The following EMID1 variants were observed in gnomAD, a reference collection of about 807,000 sequenced individuals.
EMID1 encodes EMI domain-containing protein 1.
EMID1 carries 40 observed loss-of-function variants against 60.6 expected under a neutral mutation model. That is an observed-to-expected ratio of 0.66 (90% CI 0.51 to 0.86). The LOEUF is 0.86. Among genes scored for constraint, EMID1 ranks in the 40% least tolerant of loss-of-function variants. EMID1 has a pLI of 0.00. For synonymous variants in EMID1, 242 were observed against 231.0 expected (o/e 1.05, Z -0.43); for missense variants, 585 against 597.1 (o/e 0.98, Z 0.21).
At chr22:29,247,013 C>T (rs934214035) in intron 13 of EMID1, among the ~76,000 whole-genome samples, 1 of 152,032 alleles carries the variant, frequency 6.6e-6, no homozygotes, top group Admixed American at 6.6e-5. Flanking sequence ...GACAGAGTCT[C>T]TATCGCCCAG....
chr22:29,224,709 C>T (rs547091278), intron 3 of EMID1, among the ~76,000 whole-genome samples: 29 of 152,342 alleles, frequency 1.9e-4, no homozygotes, highest in Middle Eastern at 3.4e-3. Flanking sequence ...CATTCATGGC[C>T]GACCTCAGGC....
At chr22:29,214,882 AC>A in intron 1 of EMID1, 43 bp from the exon 2 acceptor site, 6 of 1,413,588 alleles carry the variant, frequency 4.2e-6, no homozygotes, top group Non-Finnish European at 5.7e-6. Context: ...CCAGCAGGGG[AC>A]CCTGTGTGGT....
chr22:29,212,808 A>C (rs1490572330), intron 1 of EMID1, among the ~76,000 whole-genome samples: 2 of 152,026 alleles, frequency 1.3e-5, no homozygotes, highest in Non-Finnish European at 2.9e-5. Flanking sequence ...CACGTGATCC[A>C]CCCATCTCGG....
chr22:29,254,536 T>C (rs1336494935), intron 14 of EMID1: 8 of 463,468 alleles, frequency 1.7e-5, no homozygotes, highest in South Asian at 4.8e-5. Context: ...CTAAGCATTA[T>C]GGGTAGTGTG....
chr22:29,215,195 C>A (rs900281473), intron 2 of EMID1, 156 bp downstream of exon 2: 1 of 985,300 alleles, frequency 1.0e-6, no homozygotes, highest in African/African-American at 1.7e-5. Context: ...CTCAGCCTAT[C>A]CCCTGTGCTG....
intron 4 of EMID1, among the ~76,000 whole-genome samples, chr22:29,225,794 G>A (rs1053518120): frequency 6.6e-6 from 1 of 152,248 alleles, no homozygotes; most frequent in African/African-American, 2.4e-5. Context: ...GAGGAGGGGA[G>A]AGACTGCTGG....
At chr22:29,247,797 T>C (rs1007445137) in intron 13 of EMID1, among the ~76,000 whole-genome samples, 1 of 151,384 alleles carries the variant, frequency 6.6e-6, no homozygotes, top group African/African-American at 2.4e-5. Flanking sequence ...GCCCAGCTAA[T>C]TTTTTGTATT....
Position 29,232,361 on chromosome 22 carries a change from C to A in EMID1, c.782C>A (p.Pro261Gln), listed in dbSNP as rs1489962362. Reference protein sequence around the residue: ...PPGPPGPPGPPAPVGPPHARI... With the variant: ...PPGPPGPPGPQAPVGPPHARI... The stretch of plus-strand genomic sequence containing the variant: ...GGGCCTCCTGGCCCCCCTGGGCCCC[C>A]AGCCCCTGTTGGGCCACCCCATGCC... The change falls in exon 8 of 15, where the codon CCA (proline) becomes CAA (glutamine). Residue 261 changes from proline to glutamine, a missense_variant. Pro to Gln is a moderately conservative substitution (Grantham distance 76, BLOSUM62 -1). Transcript: ENST00000334018. 1 of 1,604,146 alleles carries A rather than the reference C, an allele frequency of 6.2e-7. No individual in the cohort carries two copies. Among genetic ancestry groups the A allele is most frequent in the Admixed American group, 1.7e-5 (1 of 58,692 alleles).
intron 1 of EMID1, among the ~76,000 whole-genome samples, chr22:29,206,707 C>A (rs1047706232): frequency 6.6e-6 from 1 of 152,046 alleles, no homozygotes. Context: ...CGGCGGGGAA[C>A]CTCCTCCCTG....
chr22:29,247,017 C>T (rs1423942551), intron 13 of EMID1, among the ~76,000 whole-genome samples: 3 of 151,926 alleles, frequency 2.0e-5, no homozygotes, highest in East Asian at 1.9e-4. Context: ...GAGTCTCTAT[C>T]GCCCAGGCTG....
intron 5 of EMID1, 125 bp from the exon 6 acceptor site, chr22:29,230,895 G>A: frequency 7.8e-7 from 1 of 1,281,110 alleles, no homozygotes; most frequent in South Asian, 1.8e-5. Context: ...GGTTGAGGCT[G>A]CATGAGCCGT....
chr22:29,214,411 A>G (rs73399059), intron 1 of EMID1, among the ~76,000 whole-genome samples: 3,598 of 152,250 alleles, frequency 0.024, 144 homozygotes, highest in African/African-American at 0.083. Context: ...AGGGCCCAGC[A>G]CCAGCAAAGG....
chr22:29,230,562 T>C (rs1299539457), intron 5 of EMID1, among the ~76,000 whole-genome samples: 1 of 152,214 alleles, frequency 6.6e-6, no homozygotes, highest in African/African-American at 2.4e-5. Flanking sequence ...ACACTGTCAC[T>C]TCTGATGAAG....
intron 4 of EMID1, among the ~76,000 whole-genome samples, chr22:29,225,581 C>A (rs2040474117): frequency 2.0e-5 from 3 of 152,214 alleles, no homozygotes; most frequent in African/African-American, 7.2e-5. Flanking sequence ...GACCTCACAG[C>A]TGTTCACTGC....
At chr22:29,232,676 C>T (rs2040797506) in intron 8 of EMID1, 1 of 406,336 alleles carries the variant, frequency 2.5e-6, no homozygotes. Flanking sequence ...GTGCTTAGAG[C>T]CACCGGGCAT....
intron 14 of EMID1, chr22:29,255,416 G>C: frequency 7.6e-7 from 1 of 1,320,080 alleles, no homozygotes; most frequent in Non-Finnish European, 1.0e-6. Context: ...GCCTGGAAAA[G>C]GCCTGGGCAT....
At chr22:29,209,582 G>T (rs73882499) in intron 1 of EMID1, among the ~76,000 whole-genome samples, 1 of 152,164 alleles carries the variant, frequency 6.6e-6, no homozygotes, top group South Asian at 2.1e-4. Flanking sequence ...ATCGCTGAGC[G>T]TCCTCAGGCT....
intron 13 of EMID1, among the ~76,000 whole-genome samples, chr22:29,252,281 C>T (rs1304610822): frequency 6.6e-6 from 1 of 152,206 alleles, no homozygotes; most frequent in African/African-American, 2.4e-5. Context: ...TCAGCCCCAG[C>T]GAGCAGGCTC....
intron 13 of EMID1, among the ~76,000 whole-genome samples, chr22:29,253,726 G>A (rs751464993): frequency 5.9e-5 from 9 of 152,200 alleles, no homozygotes; most frequent in Admixed American, 3.3e-4. Flanking sequence ...CTCACTGATC[G>A]GAGTAATTAG....
Sources: gnomAD v4.1 joint callset for allele counts (sites outside exome capture counted in the v4.1 genomes callset) on GRCh38, gnomAD v4.1.1 for gene constraint, MANE v1.5 for transcripts, NCBI Gene and HGNC (gene_info 2026-07-23, HGNC 2026-07-21) for gene names.